Variants in NXPH1 observed in about 807,000 individuals in gnomAD.
NXPH1 encodes the protein neurexophilin 1.
In NXPH1, 5 loss-of-function variants were observed where a neutral mutation model predicts 23.7. That is an observed-to-expected ratio of 0.21 (90% CI 0.11 to 0.44). NXPH1 has a LOEUF of 0.44. Ranked by LOEUF, NXPH1 falls within the 20% of genes least tolerant of loss-of-function variation. The pLI, the probability that NXPH1 is intolerant of heterozygous loss-of-function variation, is 0.99. For synonymous variants in NXPH1, 144 were observed against 122.2 expected (o/e 1.18, Z -1.18); for missense variants, 324 against 321.6 (o/e 1.01, Z -0.06).
At chr7:8,736,054 T>C (rs965731567) in intron 2 of NXPH1, among the ~76,000 whole-genome samples, 2 of 152,218 alleles carry the variant, frequency 1.3e-5, no homozygotes, top group South Asian at 4.1e-4. Context: ...TAGCCATGTA[T>C]TTTGTTAATC....
intron 2 of NXPH1, among the ~76,000 whole-genome samples, chr7:8,726,270 CTTCT>C (rs1047169081): frequency 2.0e-5 from 3 of 146,622 alleles, no homozygotes; most frequent in African/African-American, 7.5e-5. Flanking sequence ...TCCTCGTTTG[CTTCT>C]TTTTCTTTTT....
At chr7:8,606,889 ATATTT>A (rs916571467) in intron 2 of NXPH1, among the ~76,000 whole-genome samples, 1 of 152,114 alleles carries the variant, frequency 6.6e-6, no homozygotes, top group African/African-American at 2.4e-5. Context: ...TTTCTTGAAA[ATATTT>A]TTATTTTTTT....
chr7:8,617,389 GATTT>G (rs1254299699), intron 2 of NXPH1, among the ~76,000 whole-genome samples: 2 of 152,054 alleles, frequency 1.3e-5, no homozygotes, highest in Non-Finnish European at 2.9e-5. Flanking sequence ...CAATAGCTAA[GATTT>G]GGATGCAACC....
chr7:8,728,244 A>G (rs1163681301), intron 2 of NXPH1, among the ~76,000 whole-genome samples: 1 of 152,242 alleles, frequency 6.6e-6, no homozygotes, highest in Non-Finnish European at 1.5e-5. Flanking sequence ...TTGGGCTGAG[A>G]CAATGGGGTT....
intron 2 of NXPH1, among the ~76,000 whole-genome samples, chr7:8,536,402 G>A (rs1034321188): frequency 3.3e-5 from 5 of 151,992 alleles, no homozygotes; most frequent in Non-Finnish European, 2.9e-5. Flanking sequence ...AGCTAGCAAT[G>A]TCCTGTTGTT....
At chr7:8,676,804 T>C (rs980566032) in intron 2 of NXPH1, among the ~76,000 whole-genome samples, 9 of 152,202 alleles carry the variant, frequency 5.9e-5, no homozygotes, top group Non-Finnish European at 1.0e-4. Context: ...TTGGGACCTA[T>C]AGTTTTATAC....
chr7:8,614,139 TC>T (rs904321489), intron 2 of NXPH1, among the ~76,000 whole-genome samples: 9 of 151,912 alleles, frequency 5.9e-5, no homozygotes, highest in Non-Finnish European at 1.3e-4. Flanking sequence ...GCATAGTATT[TC>T]CGTGGATGTG....
chr7:8,749,083 T>A (rs995444030), intron 2 of NXPH1, among the ~76,000 whole-genome samples: 5 of 152,214 alleles, frequency 3.3e-5, no homozygotes, highest in African/African-American at 1.2e-4. Flanking sequence ...GGCTGTGTAA[T>A]CCTGTGCAAA....
chr7:8,462,774 A>G (rs1816717097), intron 2 of NXPH1, among the ~76,000 whole-genome samples: 1 of 152,230 alleles, frequency 6.6e-6, no homozygotes, highest in South Asian at 2.1e-4. Flanking sequence ...CTTGAGATGA[A>G]TACCTTTGCA....
chr7:8,687,189 A>G (rs1821159827), intron 2 of NXPH1, among the ~76,000 whole-genome samples: 1 of 152,126 alleles, frequency 6.6e-6, no homozygotes, highest in Admixed American at 6.6e-5. Flanking sequence ...GATACCATGC[A>G]TGTAAACTGT....
intron 2 of NXPH1, among the ~76,000 whole-genome samples, chr7:8,529,701 A>G (rs1233787316): frequency 1.3e-5 from 2 of 152,240 alleles, no homozygotes; most frequent in African/African-American, 4.8e-5. Context: ...CTTAGCTTAT[A>G]GGGATGCCAT....
rs184796329 is a variant in NXPH1 at position 8,740,124 on chromosome 7, C to T, written c.55-10884C>T. On this transcript the variant is annotated intron_variant, in intron 2 of 2. Coordinates refer to ENST00000405863, the MANE Select transcript of NXPH1 (RefSeq NM_152745.3). ...CAAGTATAGAATAGCAGTGCACATT[C>T]TGAAAGCCTTATTTTCCTTTCTCCT... Among the ~76,000 whole-genome samples the T allele has an allele frequency of 2.1e-3, 324 of 152,324 alleles. 2 individuals are homozygous for T. The highest frequency in any genetic ancestry group is 7.6e-3 in the African/African-American group (315 of 41,570).
intron 2 of NXPH1, among the ~76,000 whole-genome samples, chr7:8,579,516 G>A (rs1310578892): frequency 1.3e-5 from 2 of 151,988 alleles, no homozygotes; most frequent in African/African-American, 2.4e-5. Context: ...GGAATTACAG[G>A]CATGCACCAC....
At chr7:8,498,487 C>T (rs572630322) in intron 2 of NXPH1, among the ~76,000 whole-genome samples, 35 of 152,100 alleles carry the variant, frequency 2.3e-4, no homozygotes, top group Non-Finnish European at 4.1e-4. Flanking sequence ...ATAGACCCAG[C>T]CTTGGATGAA....
chr7:8,527,321 A>T (rs1817878487), intron 2 of NXPH1, among the ~76,000 whole-genome samples: 1 of 152,182 alleles, frequency 6.6e-6, no homozygotes, highest in Admixed American at 6.5e-5. Flanking sequence ...ATTCTGATCC[A>T]TGCATGATGG....
chr7:8,748,247 T>C (rs1400001396), intron 2 of NXPH1, among the ~76,000 whole-genome samples: 1 of 152,174 alleles, frequency 6.6e-6, no homozygotes, highest in Admixed American at 6.5e-5. Context: ...TGCGATACTA[T>C]TTTGGTATGA....
intron 2 of NXPH1, among the ~76,000 whole-genome samples, chr7:8,460,357 A>G (rs935809997): frequency 1.3e-5 from 2 of 152,090 alleles, no homozygotes; most frequent in Admixed American, 6.6e-5. Context: ...CTTTATATCT[A>G]TCTTTCCTCG....
intron 2 of NXPH1, among the ~76,000 whole-genome samples, chr7:8,582,531 A>T (rs1818899827): frequency 6.6e-6 from 1 of 152,066 alleles, no homozygotes; most frequent in Admixed American, 6.5e-5. Flanking sequence ...CAGAGAGGAG[A>T]CCTGCAGTGG....
At chr7:8,624,726 G>C (rs1054250170) in intron 2 of NXPH1, among the ~76,000 whole-genome samples, 3 of 152,126 alleles carry the variant, frequency 2.0e-5, no homozygotes, top group Non-Finnish European at 4.4e-5. Context: ...GTGAATGAAA[G>C]GCATTTGGGA....
Sources: gnomAD v4.1 joint callset for allele counts (sites outside exome capture counted in the v4.1 genomes callset) on GRCh38, gnomAD v4.1.1 for gene constraint, MANE v1.5 for transcripts, NCBI Gene and HGNC (gene_info 2026-07-23, HGNC 2026-07-21) for gene names.